Variants in OR6N1 observed in about 807,000 individuals in gnomAD.
OR6N1 encodes the protein olfactory receptor family 6 subfamily N member 1, also known as olfactory receptor 6N1.
For missense variants in OR6N1, 394 were observed against 371.7 expected, an observed-to-expected ratio of 1.06 and a Z score of -0.49; for synonymous variants, 170 against 150.7, an observed-to-expected ratio of 1.13 and a Z score of -0.94.
the OR6N1 span, among the ~76,000 whole-genome samples, chr1:158,779,590 A>C: frequency 6.6e-6 from 1 of 152,248 alleles, no homozygotes; most frequent in Non-Finnish European, 1.5e-5. Flanking sequence ...ATTGAAAGCA[A>C]CTGATACTTA....
the OR6N1 span, among the ~76,000 whole-genome samples, chr1:158,782,384 C>T: frequency 2.6e-5 from 4 of 152,130 alleles, no homozygotes; most frequent in African/African-American, 9.7e-5. Context: ...TACCTTTAAA[C>T]TGAACATATT....
the OR6N1 span, among the ~76,000 whole-genome samples, chr1:158,829,270 G>A: frequency 6.6e-6 from 1 of 152,196 alleles, no homozygotes; most frequent in Non-Finnish European, 1.5e-5. Context: ...TTATTAGGCT[G>A]CAAATTTTCC....
chr1:158,777,081 C>T (rs1218484656), upstream of OR6N1: 8 of 1,613,996 alleles, frequency 5.0e-6, no homozygotes, highest in Non-Finnish European at 6.8e-6. Context: ...AGGCCAAGCT[C>T]AGCAAAGGTG....
At chr1:158,834,902 C>T in the OR6N1 span, among the ~76,000 whole-genome samples, 1 of 152,172 alleles carries the variant, frequency 6.6e-6, no homozygotes, top group Admixed American at 6.5e-5. Flanking sequence ...GCCTTGACGT[C>T]CATGTCAAAA....
the OR6N1 span, among the ~76,000 whole-genome samples, chr1:158,806,262 G>A: frequency 1.3e-5 from 2 of 152,260 alleles, no homozygotes; most frequent in South Asian, 2.1e-4. Context: ...TGAAAGCAGG[G>A]ACTACTCAGT....
the OR6N1 span, among the ~76,000 whole-genome samples, chr1:158,807,451 C>A: frequency 0.018 from 2,749 of 152,204 alleles, 81 homozygotes; most frequent in African/African-American, 0.062. Context: ...GGTACTTGGC[C>A]CCCAGTTCAG....
At chr1:158,821,028 T>C in the OR6N1 span, among the ~76,000 whole-genome samples, 2 of 152,226 alleles carry the variant, frequency 1.3e-5, no homozygotes, top group African/African-American at 4.8e-5. Flanking sequence ...TAAAATCCTA[T>C]CACAGGGCGA....
intron 1 of OR6N1, 146 bp from the exon 2 acceptor site, chr1:158,766,846 A>T (rs899646426): frequency 2.4e-4 from 146 of 601,180 alleles, no homozygotes; most frequent in Non-Finnish European, 3.9e-4. Context: ...TCAACATTTC[A>T]ATTCCATCCC....
the OR6N1 span, among the ~76,000 whole-genome samples, chr1:158,817,791 C>T: frequency 4.6e-5 from 7 of 152,074 alleles, no homozygotes; most frequent in Non-Finnish European, 1.0e-4. Flanking sequence ...GGGCTGAGGC[C>T]CAGAAGCAAA....
upstream of OR6N1, chr1:158,774,200 A>T (rs1657519930): frequency 6.6e-6 from 1 of 152,220 alleles, no homozygotes; most frequent in Non-Finnish European, 1.5e-5. Context: ...ACAGAAAATG[A>T]CTGTATATAG....
the OR6N1 span, among the ~76,000 whole-genome samples, chr1:158,829,899 G>A: frequency 6.6e-6 from 1 of 152,220 alleles, no homozygotes; most frequent in South Asian, 2.1e-4. Flanking sequence ...AGCAGGCAAA[G>A]AGAGAGCTTG....
chr1:158,776,171 G>T (rs897154020), upstream of OR6N1: 1 of 152,228 alleles, frequency 6.6e-6, no homozygotes, highest in Non-Finnish European at 1.5e-5. Context: ...GGAGTAAAAA[G>T]TTAGGAGAAT....
chr1:158,797,739 A>AT, the OR6N1 span, among the ~76,000 whole-genome samples: 501 of 151,828 alleles, frequency 3.3e-3, 1 homozygote, highest in African/African-American at 0.011. Context: ...ATTATCATCT[A>AT]TTTTTTCACA....
chr1:158,817,326 C>T, the OR6N1 span, among the ~76,000 whole-genome samples: 3 of 152,148 alleles, frequency 2.0e-5, no homozygotes, highest in African/African-American at 4.8e-5. Context: ...TGGCAGGTCA[C>T]GTTACCTCCT....
chr1:158,765,933 G>C lies in OR6N1; in HGVS notation c.750C>G (p.Ile250Met). 1 of 1,614,174 alleles carries C rather than the reference G, an allele frequency of 6.2e-7. No homozygotes were observed. Reference sequence around the variant, plus strand: ...ACATGGAAAGGATGCTCCCATAGAAGATGAGAACCACAGTGAAGTGGGAGG... The same window carrying C: ...ACATGGAAAGGATGCTCCCATAGAACATGAGAACCACAGTGAAGTGGGAGG... Reference protein sequence around the residue: ...TCASHFTVVLIFYGSILSMYV... With the variant: ...TCASHFTVVLMFYGSILSMYV... Residue 250 changes from isoleucine (I) to methionine (M), a missense_variant, in exon 2 of 2, where the codon ATC becomes ATG. Physicochemically the swap from Ile to Met is conservative, Grantham distance 10. Coordinates refer to ENST00000641846, the MANE Select transcript of OR6N1 (RefSeq NM_001005185.2).
chr1:158,813,446 TGAG>T, the OR6N1 span, among the ~76,000 whole-genome samples: 2 of 152,006 alleles, frequency 1.3e-5, no homozygotes, highest in African/African-American at 4.8e-5. Context: ...TTTACCAAAA[TGAG>T]GAGGCACCTT....
the OR6N1 span, chr1:158,809,382 C>T: frequency 2.0e-5 from 3 of 152,280 alleles, no homozygotes; most frequent in East Asian, 1.9e-4. Flanking sequence ...TTACTTCAAG[C>T]TTCTTCCTCT....
the OR6N1 span, among the ~76,000 whole-genome samples, chr1:158,822,957 T>C: frequency 4.5e-3 from 683 of 152,286 alleles, 1 homozygote; most frequent in Non-Finnish European, 4.8e-3. Context: ...TCTTCATCTA[T>C]TGAGATAATC....
the OR6N1 span, among the ~76,000 whole-genome samples, chr1:158,790,385 G>A: frequency 0.12 from 17,428 of 148,324 alleles, 1,331 homozygotes; most frequent in Middle Eastern, 0.21. Flanking sequence ...ATATCAATTG[G>A]TATTTTGATA....
Sources: gnomAD v4.1 joint callset for allele counts (sites outside exome capture counted in the v4.1 genomes callset) on GRCh38, gnomAD v4.1.1 for gene constraint, MANE v1.5 for transcripts, NCBI Gene and HGNC (gene_info 2026-07-23, HGNC 2026-07-21) for gene names.